TMEM135: variants seen among roughly 807,000 people sequenced by gnomAD.
TMEM135 encodes peroxisomal membrane protein 52.
In TMEM135, 30 loss-of-function variants were observed where a neutral mutation model predicts 60.3. That is an observed-to-expected ratio of 0.50 (90% CI 0.37 to 0.68). The LOEUF is 0.68. Among genes scored for constraint, TMEM135 ranks in the 30% least tolerant of loss-of-function variants. The probability of loss-of-function intolerance (pLI) is 0.00; values close to 1 mark genes in which losing one functional copy is unlikely to be tolerated. For missense variants in TMEM135, 468 were observed against 548.8 expected, an observed-to-expected ratio of 0.85 and a Z score of 1.47; for synonymous variants, 190 against 186.7, an observed-to-expected ratio of 1.02 and a Z score of -0.14.
chr11:87,248,410 G>A (rs1440405935), intron 6 of TMEM135, among the ~76,000 whole-genome samples: 1 of 152,196 alleles, frequency 6.6e-6, no homozygotes, highest in Admixed American at 6.6e-5. Flanking sequence ...AGGGTGAGAT[G>A]ATATCTCATT....
intron 7 of TMEM135, among the ~76,000 whole-genome samples, chr11:87,299,914 A>G (rs1286296886): frequency 5.3e-5 from 8 of 152,240 alleles, no homozygotes; most frequent in Non-Finnish European, 1.5e-5. Flanking sequence ...TAATTCACAA[A>G]TTATTAATAC....
chr11:87,062,325 G>A (rs1012814228), intron 1 of TMEM135, among the ~76,000 whole-genome samples: 1 of 107,412 alleles, frequency 9.3e-6, no homozygotes, highest in African/African-American at 3.6e-5. Flanking sequence ...GCACTTTATT[G>A]TTTTATAATT....
At chr11:87,176,364 A>C (rs757232556) in intron 5 of TMEM135, among the ~76,000 whole-genome samples, 4 of 152,106 alleles carry the variant, frequency 2.6e-5, no homozygotes, top group Non-Finnish European at 5.9e-5. Context: ...TACCATATGC[A>C]TATGCTAGCC....
intron 6 of TMEM135, among the ~76,000 whole-genome samples, chr11:87,239,345 G>A (rs1941079202): frequency 6.6e-6 from 1 of 151,914 alleles, no homozygotes; most frequent in African/African-American, 2.4e-5. Context: ...TTTGGTAAAT[G>A]GTAAAATCAA....
intron 8 of TMEM135, among the ~76,000 whole-genome samples, chr11:87,302,824 G>C (rs1455815970): frequency 6.6e-6 from 1 of 152,124 alleles, no homozygotes; most frequent in Non-Finnish European, 1.5e-5. Context: ...GGAATAATAA[G>C]GGATAACCCT....
At chr11:87,123,675 A>G (rs1321460881) in intron 4 of TMEM135, among the ~76,000 whole-genome samples, 1 of 152,200 alleles carries the variant, frequency 6.6e-6, no homozygotes, top group Non-Finnish European at 1.5e-5. Flanking sequence ...GGGTGGATTT[A>G]GCCATGTGCT....
chr11:87,317,993 T>C, intron 12 of TMEM135, 144 bp from the exon 13 acceptor site: 1 of 680,992 alleles, frequency 1.5e-6, no homozygotes, highest in Non-Finnish European at 2.6e-6. Context: ...ACCCTTAACA[T>C]CATTATGAAA....
intron 4 of TMEM135, among the ~76,000 whole-genome samples, chr11:87,155,382 T>C (rs1425340414): frequency 6.6e-6 from 1 of 152,260 alleles, no homozygotes; most frequent in Admixed American, 6.5e-5. Context: ...TTTCCCCTTA[T>C]GTTTTCTTTT....
intron 5 of TMEM135, among the ~76,000 whole-genome samples, chr11:87,232,279 C>G (rs1267130617): frequency 6.6e-6 from 1 of 151,656 alleles, no homozygotes; most frequent in Non-Finnish European, 1.5e-5. Context: ...TTTTAATCAC[C>G]AAATAAAGAT....
At position 87,195,519 on chromosome 11, in the gene TMEM135, C is replaced by T. The variant is rs182599140; in HGVS notation, c.462+38113C>T. ...TCAGCTCGCCGCAATCTCCACCTCCCGGGTTCAAGCGGTTCTCCTGCCTCA... is the reference window on the plus strand; with the variant it reads ...TCAGCTCGCCGCAATCTCCACCTCCTGGGTTCAAGCGGTTCTCCTGCCTCA... On this transcript the variant is annotated intron_variant, in intron 5 of 14. Coordinates refer to ENST00000305494, the MANE Select transcript of TMEM135 (RefSeq NM_022918.4). Among the ~76,000 whole-genome samples, 154 of 151,716 alleles carry T rather than the reference C, an allele frequency of 1.0e-3. 1 individual carries two copies. The highest frequency in any genetic ancestry group is 3.6e-3 in the African/African-American group (150 of 41,184).
chr11:87,309,833 G>A (rs547291475), intron 10 of TMEM135, among the ~76,000 whole-genome samples, 161 bp downstream of exon 10: 1 of 152,140 alleles, frequency 6.6e-6, no homozygotes, highest in South Asian at 2.1e-4. Flanking sequence ...GGAAGTGAGG[G>A]TACAGAAATT....
intron 5 of TMEM135, among the ~76,000 whole-genome samples, chr11:87,195,607 T>TAAAAC (rs1192941485): frequency 6.6e-6 from 1 of 151,986 alleles, no homozygotes; most frequent in African/African-American, 2.4e-5. Context: ...ACGGGGTTTC[T>TAAAAC]CCATGTTGGT....
intron 1 of TMEM135, among the ~76,000 whole-genome samples, chr11:87,063,641 C>G (rs1305861933): frequency 6.6e-6 from 1 of 152,194 alleles, no homozygotes; most frequent in Non-Finnish European, 1.5e-5. Flanking sequence ...TCACCCTGCC[C>G]TGTTACCTTG....
At chr11:87,312,862 A>G (rs1942665282) in intron 10 of TMEM135, among the ~76,000 whole-genome samples, 1 of 151,922 alleles carries the variant, frequency 6.6e-6, no homozygotes, top group Non-Finnish European at 1.5e-5. Flanking sequence ...TAAGAAAAAT[A>G]TGTCTTCTAA....
chr11:87,046,576 T>C (rs1205978995), intron 1 of TMEM135, among the ~76,000 whole-genome samples: 1 of 152,192 alleles, frequency 6.6e-6, no homozygotes, highest in Non-Finnish European at 1.5e-5. Flanking sequence ...GAGTTTTAAT[T>C]ACCAGTGCGG....
At chr11:87,212,405 T>G (rs1419280853) in intron 5 of TMEM135, among the ~76,000 whole-genome samples, 1 of 152,174 alleles carries the variant, frequency 6.6e-6, no homozygotes, top group African/African-American at 2.4e-5. Context: ...TTGAATATAT[T>G]AATAATTTTA....
At chr11:87,146,959 A>G (rs1285365574) in intron 4 of TMEM135, among the ~76,000 whole-genome samples, 2 of 152,142 alleles carry the variant, frequency 1.3e-5, no homozygotes, top group African/African-American at 4.8e-5. Context: ...TATAAATTGC[A>G]TGTTAAATTG....
At chr11:87,297,767 A>G (rs1942371307) in intron 7 of TMEM135, among the ~76,000 whole-genome samples, 2 of 152,250 alleles carry the variant, frequency 1.3e-5, no homozygotes, top group African/African-American at 4.8e-5. Context: ...TTGTTGCTAA[A>G]GCAAGACAAT....
At chr11:87,118,529 A>G (rs1289971984) in intron 4 of TMEM135, among the ~76,000 whole-genome samples, 1 of 150,258 alleles carries the variant, frequency 6.7e-6, no homozygotes, top group Non-Finnish European at 1.5e-5. Flanking sequence ...GCTCACTGCA[A>G]CCTCCACCTC....
Sources: gnomAD v4.1 joint callset for allele counts (sites outside exome capture counted in the v4.1 genomes callset) on GRCh38, gnomAD v4.1.1 for gene constraint, MANE v1.5 for transcripts, NCBI Gene and HGNC (gene_info 2026-07-23, HGNC 2026-07-21) for gene names.